The following FSTL5 variants were observed in gnomAD, a reference collection of about 807,000 sequenced individuals.
The protein encoded by FSTL5 is follistatin like 5, also known as follistatin-related protein 5.
Under a neutral mutation model 89.1 loss-of-function variants are expected in FSTL5, and 62 were observed. That is an observed-to-expected ratio of 0.70 (90% CI 0.57 to 0.86). The LOEUF (loss-of-function observed/expected upper bound fraction) is 0.86. Among genes scored for constraint, FSTL5 ranks in the 40% least tolerant of loss-of-function variants. The probability of loss-of-function intolerance (pLI) is 0.00; values close to 1 mark genes in which losing one functional copy is unlikely to be tolerated. For missense variants in FSTL5, 1,057 were observed against 1,001.6 expected (o/e 1.06, Z -0.75); for synonymous variants, 383 against 346.2 (o/e 1.11, Z -1.18).
chr4:161,525,576 TA>T (rs869254890), intron 10 of FSTL5, among the ~76,000 whole-genome samples: 8 of 152,146 alleles, frequency 5.3e-5, no homozygotes, highest in African/African-American at 9.6e-5. Flanking sequence ...CAATTCAAAT[TA>T]AAAAAAAATT....
At chr4:161,455,515 T>C (rs960512393) in intron 14 of FSTL5, among the ~76,000 whole-genome samples, 1 of 152,136 alleles carries the variant, frequency 6.6e-6, no homozygotes, top group Non-Finnish European at 1.5e-5. Flanking sequence ...ACTGGCAACA[T>C]AGTTTTAAAA....
intron 3 of FSTL5, among the ~76,000 whole-genome samples, chr4:162,024,127 C>A (rs191141492): frequency 1.3e-5 from 2 of 152,220 alleles, no homozygotes; most frequent in Non-Finnish European, 2.9e-5. Flanking sequence ...CACCACAGAG[C>A]ATATGCAAAC....
intron 8 of FSTL5, among the ~76,000 whole-genome samples, chr4:161,582,680 T>A (rs1733476875): frequency 1.3e-5 from 2 of 152,202 alleles, no homozygotes; most frequent in Non-Finnish European, 2.9e-5. Flanking sequence ...TATTTTTTGT[T>A]TGGCAAAATA....
intron 1 of FSTL5, among the ~76,000 whole-genome samples, chr4:162,153,733 TATG>T (rs1270295071): frequency 9.3e-6 from 1 of 107,564 alleles, no homozygotes; most frequent in Non-Finnish European, 2.0e-5. Flanking sequence ...TATATGTATA[TATG>T]TATATAATAA....
intron 7 of FSTL5, among the ~76,000 whole-genome samples, chr4:161,597,485 G>C (rs554417933): frequency 7.7e-6 from 1 of 129,496 alleles, no homozygotes; most frequent in African/African-American, 2.9e-5. Flanking sequence ...GTTGTGGGGT[G>C]GGGGGAGGGG....
chr4:162,100,658 T>A (rs1730960319), intron 2 of FSTL5, among the ~76,000 whole-genome samples: 1 of 152,084 alleles, frequency 6.6e-6, no homozygotes, highest in African/African-American at 2.4e-5. Flanking sequence ...TTACAAACTA[T>A]GAACTTTGGG....
At position 161,708,922 on chromosome 4, in the gene FSTL5, T is replaced by G. The variant is rs956224544; in HGVS notation, c.727+50489A>C. Among the ~76,000 whole-genome samples the G allele has an allele frequency of 3.9e-5, 6 of 152,198 alleles. No individual in the cohort carries two copies. In the South Asian group the frequency reaches 6.2e-4, roughly 16 times the overall value. On this transcript the variant is annotated intron_variant, in intron 6 of 15. Coordinates refer to ENST00000306100, the MANE Select transcript of FSTL5 (RefSeq NM_020116.5). ...TACAAAATATTTGGGAAATGTCAAA[T>G]AAAATGTCACTAATTTGATACTTTT...
At chr4:162,140,822 A>T (rs1732700436) in intron 1 of FSTL5, among the ~76,000 whole-genome samples, 2 of 152,100 alleles carry the variant, frequency 1.3e-5, no homozygotes, top group South Asian at 4.1e-4. Flanking sequence ...ATTGCTGGAG[A>T]ATCTGATATG....
At chr4:161,869,384 T>C (rs1238536499) in intron 4 of FSTL5, among the ~76,000 whole-genome samples, 1 of 152,170 alleles carries the variant, frequency 6.6e-6, no homozygotes, top group Non-Finnish European at 1.5e-5. Flanking sequence ...AGATTACTAG[T>C]TGTGCGATCA....
At chr4:161,623,038 A>G (rs1476007131) in intron 7 of FSTL5, among the ~76,000 whole-genome samples, 1 of 152,080 alleles carries the variant, frequency 6.6e-6, no homozygotes, top group Non-Finnish European at 1.5e-5. Context: ...AAACTATCTC[A>G]ATAACTGCTG....
At chr4:161,437,920 C>T (rs1329054139) in intron 15 of FSTL5, among the ~76,000 whole-genome samples, 2 of 152,112 alleles carry the variant, frequency 1.3e-5, no homozygotes, top group Non-Finnish European at 2.9e-5. Context: ...AGTAAGAAGA[C>T]TCGGGAGTGA....
intron 7 of FSTL5, among the ~76,000 whole-genome samples, chr4:161,616,572 G>A (rs1033436605): frequency 3.9e-5 from 6 of 152,066 alleles, no homozygotes; most frequent in Non-Finnish European, 7.4e-5. Context: ...ACTTCACCTT[G>A]TGATTGTGTG....
chr4:162,151,951 T>C (rs2111511591), intron 1 of FSTL5, among the ~76,000 whole-genome samples: 1 of 152,310 alleles, frequency 6.6e-6, no homozygotes, highest in African/African-American at 2.4e-5. Context: ...TTAGACAGTT[T>C]TTAATTTAAC....
intron 3 of FSTL5, among the ~76,000 whole-genome samples, chr4:161,992,968 GTA>G (rs1178330473): frequency 9.3e-6 from 1 of 107,676 alleles, no homozygotes; most frequent in Non-Finnish European, 2.0e-5. Flanking sequence ...ATATATGTGT[GTA>G]TATATATATA....
intron 1 of FSTL5, among the ~76,000 whole-genome samples, chr4:162,137,078 G>A (rs1732548720): frequency 6.6e-6 from 1 of 151,930 alleles, no homozygotes; most frequent in African/African-American, 2.4e-5. Context: ...AAACAAGAGA[G>A]AATACATGTT....
chr4:161,460,977 T>C (rs1054593317), intron 13 of FSTL5, among the ~76,000 whole-genome samples: 2 of 151,020 alleles, frequency 1.3e-5, no homozygotes, highest in South Asian at 2.1e-4. Context: ...GTATGTATTG[T>C]AGTTTCTGTA....
intron 9 of FSTL5, among the ~76,000 whole-genome samples, chr4:161,540,156 C>T (rs894574256): frequency 6.6e-6 from 1 of 152,120 alleles, no homozygotes; most frequent in African/African-American, 2.4e-5. Flanking sequence ...GCCTTCCTAA[C>T]CTCTAGAACT....
At chr4:161,919,831 A>AG (rs1181783093) in intron 4 of FSTL5, among the ~76,000 whole-genome samples, 10 of 152,308 alleles carry the variant, frequency 6.6e-5, no homozygotes, top group African/African-American at 2.4e-4. Flanking sequence ...ACTTTTCTAA[A>AG]CCAATGATTT....
At chr4:161,779,677 T>G (rs1434519587) in intron 4 of FSTL5, among the ~76,000 whole-genome samples, 1 of 148,986 alleles carries the variant, frequency 6.7e-6, no homozygotes, top group Non-Finnish European at 1.5e-5. Context: ...AGAACTCAGT[T>G]TTTCTTTTTA....
Sources: allele counts gnomAD v4.1 joint callset (sites outside exome capture counted in the v4.1 genomes callset), GRCh38; gene constraint gnomAD v4.1.1; transcripts MANE v1.5; gene names NCBI Gene and HGNC (gene_info 2026-07-23, HGNC 2026-07-21).